The following ZNF385B variants were observed in gnomAD, a reference collection of about 807,000 sequenced individuals.
ZNF385B encodes zinc finger protein 385B, also known as zinc finger protein 533.
In ZNF385B, 23 loss-of-function variants were observed where a neutral mutation model predicts 39.2. The observed-to-expected ratio is 0.59, with a 90% confidence interval of 0.42 to 0.83. The LOEUF is 0.83. Ranked by LOEUF, ZNF385B falls within the 40% of genes least tolerant of loss-of-function variation. ZNF385B has a pLI of 0.00. For synonymous variants in ZNF385B, 205 were observed against 222.6 expected, an observed-to-expected ratio of 0.92 and a Z score of 0.70; for missense variants, 552 against 598.9, an observed-to-expected ratio of 0.92 and a Z score of 0.82.
intron 3 of ZNF385B, among the ~76,000 whole-genome samples, chr2:179,766,503 T>C (rs1044507024): frequency 4.6e-5 from 7 of 152,188 alleles, no homozygotes; most frequent in African/African-American, 1.7e-4. Flanking sequence ...CTTGGGTTGG[T>C]TCCTTCTGAG....
intron 5 of ZNF385B, among the ~76,000 whole-genome samples, chr2:179,504,224 G>A (rs927622386): frequency 1.2e-4 from 18 of 151,982 alleles, no homozygotes; most frequent in African/African-American, 4.4e-4. Context: ...TTTTATGGCT[G>A]CATAGTAAAC....
intron 4 of ZNF385B, among the ~76,000 whole-genome samples, chr2:179,524,943 T>G (rs1559404887): frequency 1.3e-5 from 2 of 152,206 alleles, no homozygotes; most frequent in Admixed American, 6.5e-5. Flanking sequence ...TAAGAGGAGC[T>G]TTGATTTACT....
chr2:179,661,325 A>G (rs1001737299), intron 3 of ZNF385B, among the ~76,000 whole-genome samples: 5 of 152,202 alleles, frequency 3.3e-5, no homozygotes, highest in Admixed American at 3.3e-4. Context: ...CCTCTTGCAT[A>G]TTCAATAGAT....
At chr2:179,482,222 CA>C (rs1364089913) in intron 6 of ZNF385B, among the ~76,000 whole-genome samples, 3 of 152,286 alleles carry the variant, frequency 2.0e-5, no homozygotes, top group Non-Finnish European at 4.4e-5. Context: ...TGGATTTGAT[CA>C]TCTCCAAAAG....
chr2:179,514,367 AG>A (rs1402576583), intron 5 of ZNF385B: 1 of 152,234 alleles, frequency 6.6e-6, no homozygotes, highest in East Asian at 1.9e-4. Flanking sequence ...GGGATGATCC[AG>A]GACAATCCTT....
intron 3 of ZNF385B, among the ~76,000 whole-genome samples, chr2:179,716,280 T>A (rs748623116): frequency 1.1e-4 from 17 of 152,198 alleles, no homozygotes; most frequent in Non-Finnish European, 1.8e-4. Context: ...ATAATGGTTT[T>A]CATAATAGAG....
intron 3 of ZNF385B, among the ~76,000 whole-genome samples, chr2:179,656,975 T>A (rs1159107162): frequency 6.6e-6 from 1 of 152,194 alleles, no homozygotes; most frequent in Non-Finnish European, 1.5e-5. Context: ...TGTGTTAAAA[T>A]GCAAATATAT....
intron 1 of ZNF385B, among the ~76,000 whole-genome samples, chr2:179,837,634 T>C (rs533788947): frequency 1.1e-3 from 164 of 152,324 alleles, no homozygotes; most frequent in African/African-American, 3.7e-3. Flanking sequence ...AATATACTGC[T>C]TCATCTAAAA....
intron 3 of ZNF385B, among the ~76,000 whole-genome samples, chr2:179,570,854 G>C (rs1313004834): frequency 6.6e-6 from 1 of 152,132 alleles, no homozygotes; most frequent in Non-Finnish European, 1.5e-5. Context: ...GGGATTCTGT[G>C]ATTCAAACGG....
At chr2:179,579,350 C>G (rs1686218648) in intron 3 of ZNF385B, among the ~76,000 whole-genome samples, 1 of 151,910 alleles carries the variant, frequency 6.6e-6, no homozygotes, top group Admixed American at 6.6e-5. Context: ...GAATACCAAA[C>G]TCAGCTTCTT....
chr2:179,824,078 T>C (rs1345208451), intron 1 of ZNF385B, among the ~76,000 whole-genome samples: 1 of 152,090 alleles, frequency 6.6e-6, no homozygotes, highest in Non-Finnish European at 1.5e-5. Context: ...TTTTTAAAAA[T>C]CTTTAGATGG....
intron 3 of ZNF385B, among the ~76,000 whole-genome samples, chr2:179,633,948 G>A (rs1691481198): frequency 6.6e-6 from 1 of 152,100 alleles, no homozygotes; most frequent in Non-Finnish European, 1.5e-5. Context: ...AGAAAAACAA[G>A]CAATGGGAAA....
At chr2:179,534,450 T>C (rs949114418) in intron 4 of ZNF385B, among the ~76,000 whole-genome samples, 6 of 152,208 alleles carry the variant, frequency 3.9e-5, no homozygotes, top group Admixed American at 6.6e-5. Context: ...GGATATGTTA[T>C]ATACTTATAA....
intron 5 of ZNF385B, among the ~76,000 whole-genome samples, chr2:179,511,939 T>C (rs868740453): frequency 2.0e-5 from 3 of 152,032 alleles, no homozygotes; most frequent in Non-Finnish European, 4.4e-5. Context: ...AAATATAAAC[T>C]CTAAGTGATT....
rs1170770434 is a variant in ZNF385B, at chr2:179,858,852, C to T, written c.-155+2249G>A. On this transcript the variant is annotated intron_variant, in intron 1 of 9. Transcript: ENST00000410066. The stretch of plus-strand genomic sequence containing the variant: ...ACTCCTGTAAGAAGTTAGCTAATTG[C>T]TCAATTTTTAAAATATAAATTGTTG... 2.6e-5 allele frequency among the ~76,000 whole-genome samples: 4 copies of T among 152,132 alleles called. No homozygotes were observed. The East Asian group carries it at 7.7e-4, about 29-fold the overall frequency.
At chr2:179,793,504 TGAGGTCTGATGGTTTTATAA>T (rs1705469253) in intron 1 of ZNF385B, among the ~76,000 whole-genome samples, 2 of 152,198 alleles carry the variant, frequency 1.3e-5, no homozygotes, top group Admixed American at 1.3e-4. Context: ...TGACTTCTCA[TGAGGTCTGATGGTTTTATAA>T]GAGGCTCTTC....
At chr2:179,848,527 C>T (rs1415526204) in intron 1 of ZNF385B, among the ~76,000 whole-genome samples, 2 of 152,158 alleles carry the variant, frequency 1.3e-5, no homozygotes, top group Admixed American at 1.3e-4. Context: ...TTGTCAGGCT[C>T]AGGAGCTGCT....
intron 1 of ZNF385B, among the ~76,000 whole-genome samples, chr2:179,830,101 T>C (rs991075288): frequency 6.6e-6 from 1 of 152,230 alleles, no homozygotes; most frequent in African/African-American, 2.4e-5. Context: ...ATGATAGGCA[T>C]ATTGAAAGAC....
chr2:179,649,274 C>T (rs1290114317), intron 3 of ZNF385B, among the ~76,000 whole-genome samples: 1 of 152,178 alleles, frequency 6.6e-6, no homozygotes. Flanking sequence ...GACAATGACA[C>T]ATAATCAGTG....
Sources: allele counts gnomAD v4.1 joint callset (sites outside exome capture counted in the v4.1 genomes callset), GRCh38; gene constraint gnomAD v4.1.1; transcripts MANE v1.5; gene names NCBI Gene and HGNC (gene_info 2026-07-23, HGNC 2026-07-21).